GABRB1: variants seen among roughly 807,000 people sequenced by gnomAD.
GABRB1 encodes gamma-aminobutyric acid receptor subunit beta-1.
Under a neutral mutation model 51.6 loss-of-function variants are expected in GABRB1, and 17 were observed. The ratio of observed to expected loss-of-function variants is 0.33; its 90% CI spans 0.23 to 0.49. The LOEUF (loss-of-function observed/expected upper bound fraction) is 0.49. Ranked by LOEUF, GABRB1 falls within the 20% of genes least tolerant of loss-of-function variation. The probability of loss-of-function intolerance (pLI) is 0.99; values close to 1 mark genes in which losing one functional copy is unlikely to be tolerated. For synonymous variants in GABRB1, 247 were observed against 218.9 expected (o/e 1.13, Z -1.14); for missense variants, 410 against 600.6 (o/e 0.68, Z 3.32).
chr4:47,086,380 AC>A (rs1728062528), intron 3 of GABRB1, among the ~76,000 whole-genome samples: 1 of 152,160 alleles, frequency 6.6e-6, no homozygotes, highest in Admixed American at 6.5e-5. Flanking sequence ...TTCTTAAGAT[AC>A]CTTATCAAAA....
chr4:47,248,826 CGTATTGCAGTGGTGTCA>C (rs1204256656), intron 4 of GABRB1, among the ~76,000 whole-genome samples: 7 of 151,658 alleles, frequency 4.6e-5, no homozygotes, highest in Admixed American at 1.3e-4. Context: ...ATTGGTCTTT[CGTATTGCAGTGGTGTCA>C]GTTGTAATAT....
intron 1 of GABRB1, among the ~76,000 whole-genome samples, chr4:47,013,655 A>C (rs1210394310): frequency 1.3e-5 from 2 of 152,184 alleles, no homozygotes; most frequent in African/African-American, 2.4e-5. Context: ...AATTCTATTC[A>C]TATCCATTGT....
chr4:47,034,767 G>A (rs528350651), intron 3 of GABRB1, among the ~76,000 whole-genome samples: 116 of 152,078 alleles, frequency 7.6e-4, no homozygotes, highest in Middle Eastern at 6.8e-3. Flanking sequence ...TAAAATTGAG[G>A]GTTCTGTATA....
At chr4:47,312,246 C>T (rs1339252359) in intron 4 of GABRB1, among the ~76,000 whole-genome samples, 6 of 152,150 alleles carry the variant, frequency 3.9e-5, no homozygotes, top group Non-Finnish European at 5.9e-5. Flanking sequence ...TTAAATCTCA[C>T]AAAACAGTTT....
intron 4 of GABRB1, among the ~76,000 whole-genome samples, chr4:47,307,771 C>T (rs2109947609): frequency 1.3e-5 from 2 of 151,792 alleles, no homozygotes; most frequent in East Asian, 3.9e-4. Context: ...ATTGATATAT[C>T]ACTAATAATT....
intron 3 of GABRB1, among the ~76,000 whole-genome samples, chr4:47,113,439 A>T (rs1042173686): frequency 6.6e-6 from 1 of 152,198 alleles, no homozygotes; most frequent in Non-Finnish European, 1.5e-5. Context: ...TGTTAAGTGA[A>T]ATAAAAATAT....
intron 3 of GABRB1, among the ~76,000 whole-genome samples, chr4:47,111,474 A>T (rs1715207695): frequency 6.6e-6 from 1 of 152,020 alleles, no homozygotes; most frequent in Non-Finnish European, 1.5e-5. Flanking sequence ...ATCTTTCCTA[A>T]TGGCACTTTA....
At chr4:47,041,814 C>T (rs1273844145) in intron 3 of GABRB1, among the ~76,000 whole-genome samples, 3 of 152,084 alleles carry the variant, frequency 2.0e-5, no homozygotes, top group Non-Finnish European at 4.4e-5. Flanking sequence ...GTGTCTAGAA[C>T]ATTTTCTCAT....
At chr4:47,023,655 A>G (rs1264066529) in intron 1 of GABRB1, among the ~76,000 whole-genome samples, 1 of 152,044 alleles carries the variant, frequency 6.6e-6, no homozygotes, top group Non-Finnish European at 1.5e-5. Context: ...ATAGATGAAA[A>G]TGGTTAATTT....
intron 4 of GABRB1, among the ~76,000 whole-genome samples, chr4:47,266,218 G>A (rs1722634450): frequency 1.3e-5 from 2 of 151,974 alleles, no homozygotes; most frequent in Non-Finnish European, 2.9e-5. Flanking sequence ...GTTTGTTTTT[G>A]TCCACTTTAT....
intron 3 of GABRB1, among the ~76,000 whole-genome samples, chr4:47,087,748 G>A (rs1728138115): frequency 6.6e-6 from 1 of 152,118 alleles, no homozygotes; most frequent in African/African-American, 2.4e-5. Flanking sequence ...TCAAATCCTA[G>A]CACTGTCTGA....
intron 5 of GABRB1, among the ~76,000 whole-genome samples, chr4:47,362,968 G>A (rs1207478656): frequency 6.6e-5 from 10 of 151,916 alleles, no homozygotes; most frequent in South Asian, 2.1e-4. Context: ...GATGCTACAC[G>A]AAGAAAGGTA....
chr4:47,158,189 C>T (rs926784561), intron 3 of GABRB1, among the ~76,000 whole-genome samples: 1 of 152,038 alleles, frequency 6.6e-6, no homozygotes, highest in Non-Finnish European at 1.5e-5. Flanking sequence ...CCTTTCTGTT[C>T]TCCACTTACC....
intron 5 of GABRB1, among the ~76,000 whole-genome samples, chr4:47,394,581 C>A (rs1299331039): frequency 1.3e-5 from 2 of 152,132 alleles, no homozygotes; most frequent in Non-Finnish European, 2.9e-5. Context: ...GACAAGAAGA[C>A]AGCTTTAAAT....
At chr4:47,374,388 C>T (rs1727308732) in intron 5 of GABRB1, among the ~76,000 whole-genome samples, 1 of 152,092 alleles carries the variant, frequency 6.6e-6, no homozygotes, top group African/African-American at 2.4e-5. Context: ...GACCCTGCCT[C>T]AGAAAACTAA....
At chr4:47,179,532 C>T (rs1718857442) in intron 4 of GABRB1, among the ~76,000 whole-genome samples, 1 of 151,800 alleles carries the variant, frequency 6.6e-6, no homozygotes, top group Non-Finnish European at 1.5e-5. Context: ...GGAACCAACC[C>T]AAATGGGCCA....
chr4:47,403,352 G>T lies in GABRB1; in HGVS notation c.579G>T (p.Trp193Cys), dbSNP rs1204378549. ...CCACTGATGACATTGAATTTTACTG[G>T]AATGGAGGAGAAGGGGCAGTCACTG... ...GYTTDDIEFY[W>C]NGGEGAVTGV... is the part of the protein sequence containing the mutation. Residue 193 changes from tryptophan to cysteine, a missense_variant, in exon 6 of 9, where the codon TGG becomes TGT. This residue lies in a region of GABRB1 where 36 missense variants were observed against 39.7 expected (regional missense o/e 0.91). Coordinates refer to ENST00000295454, the MANE Select transcript of GABRB1 (RefSeq NM_000812.4). 1.2e-6 allele frequency: 2 copies of T among 1,614,008 alleles called. 1 individual carries two copies.
At chr4:47,101,010 G>A (rs113736365) in intron 3 of GABRB1, among the ~76,000 whole-genome samples, 15 of 152,062 alleles carry the variant, frequency 9.9e-5, no homozygotes, top group African/African-American at 2.2e-4. Context: ...AGTGAGGCTC[G>A]AAGGTTAGGT....
At chr4:47,277,895 C>T (rs1037088384) in intron 4 of GABRB1, among the ~76,000 whole-genome samples, 3 of 151,814 alleles carry the variant, frequency 2.0e-5, no homozygotes, top group Admixed American at 6.6e-5. Context: ...TATTTTAATA[C>T]AATTGTTTTC....
Sources: gnomAD v4.1 joint callset for allele counts (sites outside exome capture counted in the v4.1 genomes callset) on GRCh38, gnomAD v4.1.1 for gene constraint, gnomAD v4.1.1 regional missense constraint, MANE v1.5 for transcripts, NCBI Gene and HGNC (gene_info 2026-07-23, HGNC 2026-07-21) for gene names.